The following LACTB variants were observed in gnomAD, a reference collection of about 807,000 sequenced individuals.
The protein encoded by LACTB is serine beta-lactamase-like protein LACTB, mitochondrial.
A neutral mutation model predicts 50.2 loss-of-function variants in LACTB; 35 were observed. That is an observed-to-expected ratio of 0.70 (90% CI 0.53 to 0.92). The LOEUF is 0.92. Among genes scored for constraint, LACTB ranks in the 40% least tolerant of loss-of-function variants. The pLI, the probability that LACTB is intolerant of heterozygous loss-of-function variation, is 0.00. For synonymous variants in LACTB, 252 were observed against 268.2 expected, an observed-to-expected ratio of 0.94 and a Z score of 0.59; for missense variants, 664 against 691.8, an observed-to-expected ratio of 0.96 and a Z score of 0.45.
At chr15:63,140,355 T>A (rs527258982) in intron 5 of LACTB, among the ~76,000 whole-genome samples, 1 of 152,238 alleles carries the variant, frequency 6.6e-6, no homozygotes, top group Admixed American at 6.5e-5. Flanking sequence ...AGAAAGTCAT[T>A]AAAAGTTGTA....
chr15:63,127,412 G>T lies in LACTB; in HGVS notation c.675G>T (p.Lys225Asn), dbSNP rs746424994. The T allele has an allele frequency of 1.3e-6, 2 of 1,597,562 alleles. No individual in the cohort carries two copies. Among genetic ancestry groups the T allele is most frequent in the Admixed American group, 1.8e-5 (1 of 55,586 alleles). ...TAAGTGGAATTCGTCATTATGAAAA[G>T]GACATAAAAAAGGTGAAAGAAGAGA... Reference protein sequence around the residue: ...SHLSGIRHYEKDIKKVKEEKA... With the variant: ...SHLSGIRHYENDIKKVKEEKA... The change falls in exon 4 of 6, where the codon AAG becomes AAT. Residue 225 changes from lysine (K) to asparagine (N), a missense_variant. By Grantham distance (94) the Lys-to-Asn change is moderately conservative. Coordinates refer to ENST00000261893, the MANE Select transcript of LACTB (RefSeq NM_032857.5).
chr15:63,139,043 CAAAAAAA>C (rs11413822), intron 5 of LACTB, among the ~76,000 whole-genome samples: 22 of 71,348 alleles, frequency 3.1e-4, no homozygotes, highest in East Asian at 7.1e-4. Flanking sequence ...GACTCTGTTT[CAAAAAAA>C]AAAAAAAAAA....
Position 63,142,027 on chromosome 15 carries a change from T to C in LACTB, c.*222T>C, listed in dbSNP as rs1196455762. On this transcript the variant is annotated 3_prime_UTR_variant, in exon 6 of 6. Coordinates refer to ENST00000261893, the MANE Select transcript of LACTB (RefSeq NM_032857.5). ...TATTGTTTTTACTTTTTGAAAAAAGTGTTAACTCTTGAAATAAAATATTCT... is the reference window on the plus strand; with the variant it reads ...TATTGTTTTTACTTTTTGAAAAAAGCGTTAACTCTTGAAATAAAATATTCT... 4.4e-6 allele frequency: 2 copies of C among 458,122 alleles called. No individual in the cohort carries two copies. The highest frequency in any genetic ancestry group is 7.7e-6 in the Non-Finnish European group (2 of 258,844). 28.4% of individuals were successfully genotyped at this position (458,122 alleles called of 1,614,324 possible). A position where few individuals can be genotyped will look rare whatever the true frequency, so the allele number is the denominator to read the frequency against.
Position 63,141,721 on chromosome 15 carries a change from T to G in LACTB, c.1560T>G (p.Ser520=), listed in dbSNP as rs1251273130. 3.7e-6 allele frequency: 6 copies of G among 1,614,100 alleles called. No homozygotes were observed. The highest frequency in any genetic ancestry group is 5.1e-6 in the Non-Finnish European group (6 of 1,180,050). The part of the protein sequence containing the change: ...NKVPPRGIIV[S]IICNMQSVGL... ...TTCCCCCAAGAGGAATCATTGTTTC[T>G]ATCATATGTAACATGCAATCTGTTG... Residue 520 remains serine (S), a synonymous_variant, in exon 6 of 6, where the codon TCT becomes TCG. Transcript: ENST00000261893.
chr15:63,127,587 A>C lies in LACTB; in HGVS notation c.850A>C (p.Lys284Gln). ...CCGGAATTCAAAACCTGGCAAGAAAAAGAATGATTTTGAACAAGGCGAATT... is the reference window on the plus strand; with the variant it reads ...CCGGAATTCAAAACCTGGCAAGAAACAGAATGATTTTGAACAAGGCGAATT... ...KCRNSKPGKK[K>Q]NDFEQGELYL... Residue 284 changes from lysine to glutamine, a missense_variant, in exon 4 of 6, where the codon AAG becomes CAG. Transcript: ENST00000261893. The C allele has an allele frequency of 6.2e-7, 1 of 1,613,638 alleles. No homozygotes were observed. Among genetic ancestry groups the C allele is most frequent in the Non-Finnish European group, 8.5e-7 (1 of 1,179,666 alleles).
At chr15:63,122,971 G>A (rs2036997171) in intron 2 of LACTB, among the ~76,000 whole-genome samples, 1 of 152,142 alleles carries the variant, frequency 6.6e-6, no homozygotes, top group Non-Finnish European at 1.5e-5. Context: ...TTATACAGTA[G>A]TCCCTCCTTA....
chr15:63,126,266 C>T (rs200447160), intron 2 of LACTB, among the ~76,000 whole-genome samples: 8 of 152,076 alleles, frequency 5.3e-5, no homozygotes, highest in Admixed American at 6.6e-5. Flanking sequence ...CTCAGCCTCC[C>T]GAGTAGCTGG....
intron 5 of LACTB, among the ~76,000 whole-genome samples, chr15:63,139,290 C>T (rs2037205732): frequency 6.6e-6 from 1 of 151,744 alleles, no homozygotes; most frequent in Admixed American, 6.6e-5. Context: ...CAGTTGAACC[C>T]AGGAACAGTG....
Position 63,127,623 on chromosome 15 carries a change from GAA to G in LACTB, c.889_890del (p.Lys297ValfsTer2). 2 of 1,609,678 alleles carry G rather than the reference GAA, an allele frequency of 1.2e-6. No homozygotes were observed. The highest frequency in any genetic ancestry group is 1.7e-6 in the Non-Finnish European group (2 of 1,178,234). On this transcript the variant is annotated frameshift_variant, in exon 4 of 6. Coordinates refer to ENST00000261893, the MANE Select transcript of LACTB (RefSeq NM_032857.5). LOFTEE classifies it high-confidence loss of function. ...TGAACAAGGCGAATTATATTTGAGA[GAA>G]AAGTTTGAAAATTCAATTGAATCCC... is the stretch of plus-strand genomic sequence containing the variant. ...DFEQGELYLR[E>X]KFENSIESLR...
intron 4 of LACTB, among the ~76,000 whole-genome samples, chr15:63,128,380 T>C (rs2037082968): frequency 6.6e-6 from 1 of 152,218 alleles, no homozygotes; most frequent in African/African-American, 2.4e-5. Context: ...GAGGATCGCT[T>C]GAGCCCAGGA....
chr15:63,128,002 G>C (rs2037076758), intron 4 of LACTB, among the ~76,000 whole-genome samples: 1 of 152,124 alleles, frequency 6.6e-6, no homozygotes, highest in South Asian at 2.1e-4. Flanking sequence ...GACATGATAA[G>C]GTATTGCTGA....
At chr15:63,122,261 C>T in intron 1 of LACTB, 33 bp downstream of exon 1, 2 of 1,493,824 alleles carry the variant, frequency 1.3e-6, no homozygotes, top group Non-Finnish European at 1.8e-6. Flanking sequence ...CGTAGGGGGC[C>T]GGGGATCCAC....
chr15:63,139,526 A>C (rs148334156), intron 5 of LACTB, among the ~76,000 whole-genome samples: 2,760 of 151,018 alleles, frequency 0.018, 79 homozygotes, highest in African/African-American at 0.062. Flanking sequence ...GGTGGCGCAC[A>C]ACTGTAATCC....
chr15:63,129,697 C>A, intron 5 of LACTB, 47 bp downstream of exon 5: 2 of 1,388,896 alleles, frequency 1.4e-6, no homozygotes, highest in Admixed American at 2.8e-5. Flanking sequence ...CATCTTAACA[C>A]TATTTTATTA....
chr15:63,127,059 CT>C lies in LACTB; in HGVS notation c.615+11del, dbSNP rs2037063053. The C allele has an allele frequency of 6.4e-7, 1 of 1,559,546 alleles. No homozygotes were observed. The highest frequency in any genetic ancestry group is 8.7e-7 in the Non-Finnish European group (1 of 1,144,158). On this transcript the variant is annotated intron_variant, in intron 3 of 5. Coordinates refer to ENST00000261893, the MANE Select transcript of LACTB (RefSeq NM_032857.5). ...ATATGAAGGTGAAAAGGTACTGAAACTCACAGTTCATTTTACTAATGGCATG... is the reference window on the plus strand; with the variant it reads ...ATATGAAGGTGAAAAGGTACTGAAACCACAGTTCATTTTACTAATGGCATG...
Position 63,141,391 on chromosome 15 carries a change from T to A in LACTB, c.1230T>A (p.Phe410Leu). 6.2e-7 allele frequency: 1 copy of A among 1,614,222 alleles called. No homozygotes were observed. The highest frequency in any genetic ancestry group is 2.2e-5 in the East Asian group (1 of 44,888). Reference sequence around the variant, plus strand: ...CTACAGTGGGTGACCTTCTGAAATTTGGGAATGCAATGCTTTATGGTTACC... The same window carrying A: ...CTACAGTGGGTGACCTTCTGAAATTAGGGAATGCAATGCTTTATGGTTACC... The part of the protein sequence containing the change: ...FLSTVGDLLK[F>L]GNAMLYGYQV... The change falls in exon 6 of 6, where the codon TTT becomes TTA. Residue 410 changes from phenylalanine to leucine, a missense_variant. Phe to Leu is a conservative substitution (Grantham distance 22, BLOSUM62 0). Coordinates refer to ENST00000261893, the MANE Select transcript of LACTB (RefSeq NM_032857.5).
In LACTB at chr15:63,127,532, T is replaced by G. The variant is rs182421897; in HGVS notation, c.795T>G (p.Phe265Leu). ...KSNEKNDFTK[F>L]KTEQENEAKC... is the part of the protein sequence containing the mutation. The stretch of plus-strand genomic sequence containing the variant: ...ATGAAAAGAATGATTTTACTAAATT[T>G]AAAACAGAGCAGGAGAATGAAGCCA... The change falls in exon 4 of 6, where the codon TTT becomes TTG. Residue 265 changes from phenylalanine to leucine, a missense_variant. Physicochemically the swap from Phe to Leu is conservative, Grantham distance 22. Transcript: ENST00000261893. 1.2e-5 allele frequency: 20 copies of G among 1,613,800 alleles called. No homozygotes were observed. The highest frequency in any genetic ancestry group is 1.7e-4 in the Middle Eastern group (1 of 6,058).
chr15:63,128,497 G>A (rs1269112546), intron 4 of LACTB, among the ~76,000 whole-genome samples: 1 of 152,042 alleles, frequency 6.6e-6, no homozygotes, highest in African/African-American at 2.4e-5. Context: ...AGCTACTCAG[G>A]AGGCTGAGGC....
At chr15:63,139,669 AAT>A (rs1163474861) in intron 5 of LACTB, among the ~76,000 whole-genome samples, 1 of 150,864 alleles carries the variant, frequency 6.6e-6, no homozygotes, top group Non-Finnish European at 1.5e-5. Context: ...TAAATAAGTA[AAT>A]ATACAGAAAA....
Sources: gnomAD v4.1 joint callset for allele counts (sites outside exome capture counted in the v4.1 genomes callset) on GRCh38, gnomAD v4.1.1 for gene constraint, MANE v1.5 for transcripts, NCBI Gene and HGNC (gene_info 2026-07-23, HGNC 2026-07-21) for gene names.